CDH13: variants seen among roughly 807,000 people sequenced by gnomAD.
The protein encoded by CDH13 is cadherin-13.
Under a neutral mutation model 63.8 loss-of-function variants are expected in CDH13, and 24 were observed. The observed-to-expected ratio is 0.38, with a 90% confidence interval of 0.27 to 0.53. The LOEUF is 0.53. CDH13 is among the 20% of genes least tolerant of loss of function. CDH13 has a pLI of 0.85. For missense variants in CDH13, 1,049 were observed against 903.1 expected, an observed-to-expected ratio of 1.16 and a Z score of -2.07; for synonymous variants, 503 against 355.3, an observed-to-expected ratio of 1.42 and a Z score of -4.67.
intron 4 of CDH13, among the ~76,000 whole-genome samples, chr16:83,192,157 T>A (rs1159882945): frequency 6.6e-6 from 1 of 152,202 alleles, no homozygotes; most frequent in African/African-American, 2.4e-5. Flanking sequence ...GCCGTTCCTT[T>A]GCCTCCATTC....
chr16:82,669,302 T>C (rs1450252598), intron 1 of CDH13, among the ~76,000 whole-genome samples: 1 of 152,242 alleles, frequency 6.6e-6, no homozygotes, highest in Non-Finnish European at 1.5e-5. Context: ...AGTATATGGC[T>C]CTGCCCTGGC....
intron 7 of CDH13, among the ~76,000 whole-genome samples, chr16:83,594,657 G>A (rs943108918): frequency 3.3e-5 from 5 of 152,266 alleles, no homozygotes; most frequent in Non-Finnish European, 7.4e-5. Context: ...AAGACCAGGC[G>A]AGAGAGAGAT....
intron 4 of CDH13, among the ~76,000 whole-genome samples, chr16:83,129,971 C>G (rs899608785): frequency 6.6e-6 from 1 of 152,184 alleles, no homozygotes; most frequent in Non-Finnish European, 1.5e-5. Flanking sequence ...GCCTCTCTCT[C>G]TCCATTAATA....
chr16:83,625,886 T>C (rs1262121347), intron 8 of CDH13, among the ~76,000 whole-genome samples: 1 of 152,074 alleles, frequency 6.6e-6, no homozygotes, highest in Non-Finnish European at 1.5e-5. Context: ...ATGCAAGCAA[T>C]AGTGTGATGT....
chr16:83,226,497 G>A (rs767138379), intron 5 of CDH13, among the ~76,000 whole-genome samples: 1 of 152,176 alleles, frequency 6.6e-6, no homozygotes, highest in Non-Finnish European at 1.5e-5. Flanking sequence ...CTTTGCACCT[G>A]TGGCACCTGG....
intron 13 of CDH13, 31 bp from the exon 14 acceptor site, chr16:83,794,992 C>G: frequency 6.3e-7 from 1 of 1,583,530 alleles, no homozygotes; most frequent in Non-Finnish European, 8.6e-7. Context: ...TGGTGATATT[C>G]CCGACTTAAC....
rs146547028 is a variant in CDH13 at position 83,463,545 on chromosome 16, A to T, written c.782-22932A>T. Among the ~76,000 whole-genome samples the T allele has an allele frequency of 5.5e-3, 835 of 152,284 alleles. 13 individuals carry two copies. The highest frequency in any genetic ancestry group is 0.019 in the African/African-American group (788 of 41,570). On this transcript the variant is annotated intron_variant, in intron 6 of 13. Coordinates refer to ENST00000567109, the MANE Select transcript of CDH13 (RefSeq NM_001257.5). ...GCCAGGTGCAATGGCTCCTGCTTGT[A>T]ATCCCAGCGCTTTGGCAGGCCACAG...
At chr16:83,542,125 G>A (rs938123917) in intron 7 of CDH13, among the ~76,000 whole-genome samples, 3 of 152,198 alleles carry the variant, frequency 2.0e-5, no homozygotes, top group Non-Finnish European at 4.4e-5. Context: ...TATTGAATTA[G>A]CATCTGCATT....
At chr16:83,413,339 G>T (rs2092154689) in intron 6 of CDH13, among the ~76,000 whole-genome samples, 2 of 152,178 alleles carry the variant, frequency 1.3e-5, no homozygotes, top group Middle Eastern at 3.4e-3. Flanking sequence ...GCTTTAATGT[G>T]ATCATTGCCT....
intron 2 of CDH13, among the ~76,000 whole-genome samples, chr16:82,917,636 G>A (rs1040402880): frequency 6.6e-6 from 1 of 152,206 alleles, no homozygotes; most frequent in South Asian, 2.1e-4. Context: ...TATAGGCCAG[G>A]TACCATGGCT....
chr16:83,218,716 C>T (rs1283121351), intron 5 of CDH13, among the ~76,000 whole-genome samples: 5 of 152,150 alleles, frequency 3.3e-5, no homozygotes, highest in African/African-American at 9.7e-5. Context: ...ACAGAGTGAT[C>T]AAGAGCTGTG....
At chr16:82,852,668 A>C (rs1451839857) in intron 1 of CDH13, among the ~76,000 whole-genome samples, 1 of 152,212 alleles carries the variant, frequency 6.6e-6, no homozygotes, top group Non-Finnish European at 1.5e-5. Flanking sequence ...CAAAATCTAA[A>C]GCAAAAGTTG....
chr16:82,834,560 C>T (rs1318680641), intron 1 of CDH13, among the ~76,000 whole-genome samples: 1 of 152,142 alleles, frequency 6.6e-6, no homozygotes, highest in Non-Finnish European at 1.5e-5. Flanking sequence ...CCACAGCCCA[C>T]AGCCCACAGC....
At chr16:82,859,569 A>G (rs1050565506) in intron 2 of CDH13, 1 of 152,180 alleles carries the variant, frequency 6.6e-6, no homozygotes, top group Non-Finnish European at 1.5e-5. Flanking sequence ...AAAAAGAAAA[A>G]AAAAAAAGAA....
chr16:83,309,664 C>T (rs2089958024), intron 5 of CDH13, among the ~76,000 whole-genome samples: 2 of 152,212 alleles, frequency 1.3e-5, no homozygotes, highest in Admixed American at 1.3e-4. Flanking sequence ...CGTGAGCCGC[C>T]ACGCCCAGCC....
chr16:83,731,626 T>A (rs1326315160), intron 10 of CDH13, among the ~76,000 whole-genome samples: 1 of 152,222 alleles, frequency 6.6e-6, no homozygotes, highest in Non-Finnish European at 1.5e-5. Context: ...TTTATTCTGT[T>A]GATAGTTTCT....
chr16:82,711,860 T>G (rs1291935262), intron 1 of CDH13, among the ~76,000 whole-genome samples: 1 of 152,208 alleles, frequency 6.6e-6, no homozygotes, highest in Admixed American at 6.5e-5. Flanking sequence ...AACGGTGCTC[T>G]GAGTTAGGTG....
chr16:83,070,028 C>A (rs901012402), intron 3 of CDH13, among the ~76,000 whole-genome samples: 2 of 152,008 alleles, frequency 1.3e-5, no homozygotes, highest in African/African-American at 4.8e-5. Flanking sequence ...AGGACAACTT[C>A]CCTTTTTTTC....
chr16:83,089,930 C>G (rs1290028566), intron 3 of CDH13, among the ~76,000 whole-genome samples: 1 of 152,136 alleles, frequency 6.6e-6, no homozygotes, highest in African/African-American at 2.4e-5. Context: ...AAGAGATGCT[C>G]TGAGGACCAT....
Sources: allele counts gnomAD v4.1 joint callset (sites outside exome capture counted in the v4.1 genomes callset), GRCh38; gene constraint gnomAD v4.1.1; transcripts MANE v1.5; gene names NCBI Gene and HGNC (gene_info 2026-07-23, HGNC 2026-07-21).